Variants in PTPRD observed in about 807,000 individuals in gnomAD.
The protein encoded by PTPRD is receptor-type tyrosine-protein phosphatase delta.
A neutral mutation model predicts 214.5 loss-of-function variants in PTPRD; 34 were observed. The observed-to-expected ratio is 0.16, with a 90% CI of 0.12 to 0.21. The LOEUF (loss-of-function observed/expected upper bound fraction) is 0.21, where lower values mean the gene tolerates loss of function less well. Ranked by LOEUF, PTPRD falls within the 10% of genes least tolerant of loss-of-function variation. The pLI, the probability that PTPRD is intolerant of heterozygous loss-of-function variation, is 1.00. For missense variants in PTPRD, 2,545 were observed against 2,398.7 expected, an observed-to-expected ratio of 1.06 and a Z score of -1.27; for synonymous variants, 1,128 against 845.7, an observed-to-expected ratio of 1.33 and a Z score of -5.79.
Position 9,747,547 on chromosome 9 carries a change from T to G in PTPRD, c.-325-12976A>C, listed in dbSNP as rs376152528. Among the ~76,000 whole-genome samples the G allele has an allele frequency of 1.4e-3, 206 of 146,586 alleles. 3 individuals carry two copies. Among genetic ancestry groups the G allele is most frequent in the Admixed American group, 7.5e-4 (11 of 14,576 alleles). ...GTGACTGAATCTTTTTTGTTTTTTT[T>G]TTTTTTTTTTCTCCCTGAGATGGAG... On this transcript the variant is annotated intron_variant, in intron 6 of 45. Coordinates refer to ENST00000381196, the MANE Select transcript of PTPRD (RefSeq NM_002839.4).
At chr9:8,441,108 A>C (rs1590556437) in intron 34 of PTPRD, among the ~76,000 whole-genome samples, 2 of 152,188 alleles carry the variant, frequency 1.3e-5, no homozygotes, top group East Asian at 3.9e-4. Flanking sequence ...TCATATAGTC[A>C]ACATTTTCAC....
chr9:9,819,405 G>T (rs2049939089), intron 5 of PTPRD, among the ~76,000 whole-genome samples: 1 of 152,296 alleles, frequency 6.6e-6, no homozygotes, highest in Non-Finnish European at 1.5e-5. Flanking sequence ...GATTTGATAT[G>T]ATTCACCTTT....
At chr9:10,499,883 TA>T (rs1336978499) in intron 2 of PTPRD, among the ~76,000 whole-genome samples, 1 of 151,828 alleles carries the variant, frequency 6.6e-6, no homozygotes, top group Admixed American at 6.6e-5. Flanking sequence ...TATATCTTTT[TA>T]AAAAAATGTT....
intron 4 of PTPRD, among the ~76,000 whole-genome samples, chr9:10,008,806 G>C (rs1230501627): frequency 6.6e-6 from 1 of 151,890 alleles, no homozygotes; most frequent in Non-Finnish European, 1.5e-5. Context: ...CAGTCAATCA[G>C]TAATTCTCTA....
intron 5 of PTPRD, among the ~76,000 whole-genome samples, chr9:9,793,037 G>C (rs1488305936): frequency 6.6e-6 from 1 of 152,076 alleles, no homozygotes; most frequent in Admixed American, 6.6e-5. Context: ...GCACAAAAAT[G>C]ACCTTGTAAC....
chr9:9,758,523 G>A (rs966959746), intron 6 of PTPRD, among the ~76,000 whole-genome samples: 1 of 152,266 alleles, frequency 6.6e-6, no homozygotes, highest in Non-Finnish European at 1.5e-5. Context: ...GAGGCAGCGT[G>A]TGAGTTCCAG....
chr9:8,655,592 T>C (rs2096892965), intron 12 of PTPRD, among the ~76,000 whole-genome samples: 1 of 152,236 alleles, frequency 6.6e-6, no homozygotes, highest in East Asian at 1.9e-4. Flanking sequence ...GATTTAAACA[T>C]AAAGCTTTGA....
chr9:9,393,372 G>T (rs1243383601), intron 9 of PTPRD, among the ~76,000 whole-genome samples: 5 of 152,156 alleles, frequency 3.3e-5, no homozygotes, highest in Admixed American at 2.6e-4. Context: ...GAGCTGAGCT[G>T]CATGCTATGC....
In PTPRD at chr9:8,640,201, T is replaced by C. The variant is rs1185689570; in HGVS notation, c.65-3357A>G. On this transcript the variant is annotated intron_variant, in intron 12 of 45. Transcript: ENST00000381196. ...GCCTCAGCCTTACAAAGTGCTGGAA[T>C]TACAAGTGTGAGCCATCACGACACG... 2.0e-5 allele frequency among the ~76,000 whole-genome samples: 3 copies of C among 152,116 alleles called. No individual in the cohort carries two copies. In the East Asian group the frequency reaches 5.8e-4, roughly 29 times the overall value.
intron 3 of PTPRD, among the ~76,000 whole-genome samples, chr9:10,036,405 G>A (rs888809181): frequency 1.1e-4 from 17 of 151,648 alleles, no homozygotes; most frequent in African/African-American, 3.9e-4. Context: ...AAGTTTATCA[G>A]CATTTAAGCA....
At chr9:8,931,720 A>T (rs2098953951) in intron 11 of PTPRD, among the ~76,000 whole-genome samples, 1 of 151,952 alleles carries the variant, frequency 6.6e-6, no homozygotes, top group Non-Finnish European at 1.5e-5. Context: ...TATTGTTTGG[A>T]GTAGTTTCAG....
chr9:8,592,859 C>A (rs2154266236), intron 14 of PTPRD, among the ~76,000 whole-genome samples: 1 of 152,250 alleles, frequency 6.6e-6, no homozygotes, highest in Middle Eastern at 3.4e-3. Context: ...TGAACGAAGT[C>A]AAAGACAGGT....
chr9:9,882,409 G>T lies in PTPRD; in HGVS notation c.-368+56098C>A, dbSNP rs1182302393. On this transcript the variant is annotated intron_variant, in intron 5 of 45. Transcript: ENST00000381196. ...GCTTGGTCAATATCATGATCCAAATGGTGAAGTTGGTTTCTTCTGCTGAGA... is the reference window on the plus strand; with the variant it reads ...GCTTGGTCAATATCATGATCCAAATTGTGAAGTTGGTTTCTTCTGCTGAGA... Among the ~76,000 whole-genome samples, 6 of 152,028 alleles carry T rather than the reference G, an allele frequency of 3.9e-5. No homozygotes were observed. The South Asian group carries it at 6.2e-4, about 16-fold the overall frequency.
chr9:8,760,183 G>C (rs1051909756), intron 11 of PTPRD, among the ~76,000 whole-genome samples: 1 of 152,114 alleles, frequency 6.6e-6, no homozygotes. Flanking sequence ...CACCCACTTC[G>C]GCCTCCACCG....
chr9:9,076,024 C>T (rs747754997), intron 10 of PTPRD, among the ~76,000 whole-genome samples: 1 of 152,132 alleles, frequency 6.6e-6, no homozygotes. Context: ...TATAGTCCCA[C>T]CAACAGTGTA....
intron 5 of PTPRD, among the ~76,000 whole-genome samples, chr9:9,819,255 A>G (rs1350793083): frequency 6.6e-6 from 1 of 152,130 alleles, no homozygotes. Flanking sequence ...TATCGGCAGA[A>G]ATTACAGGTC....
At chr9:10,577,006 G>A (rs974176684) in intron 2 of PTPRD, among the ~76,000 whole-genome samples, 3 of 151,806 alleles carry the variant, frequency 2.0e-5, no homozygotes, top group African/African-American at 7.3e-5. Context: ...AAATAGAAAT[G>A]GAGAACATCT....
At chr9:8,713,462 T>G in intron 12 of PTPRD, 1 of 1,119,458 alleles carries the variant, frequency 8.9e-7, no homozygotes. Flanking sequence ...GTATCTCAGT[T>G]AAAGAAAATG....
At chr9:9,980,848 G>A (rs2095520464) in intron 4 of PTPRD, among the ~76,000 whole-genome samples, 1 of 106,460 alleles carries the variant, frequency 9.4e-6, no homozygotes, top group Non-Finnish European at 2.1e-5. Context: ...GAGTTTAAAT[G>A]TTCAAGCTTG....
Sources: gnomAD v4.1 joint callset for allele counts (sites outside exome capture counted in the v4.1 genomes callset) on GRCh38, gnomAD v4.1.1 for gene constraint, MANE v1.5 for transcripts, NCBI Gene and HGNC (gene_info 2026-07-23, HGNC 2026-07-21) for gene names.